ZMIZ1: variants seen among roughly 807,000 people sequenced by gnomAD.
The protein encoded by ZMIZ1 is zinc finger MIZ-type containing 1, also known as zinc finger MIZ domain-containing protein 1.
A neutral mutation model predicts 113.9 loss-of-function variants in ZMIZ1; 17 were observed. That is an observed-to-expected ratio of 0.15 (90% CI 0.10 to 0.22). The LOEUF (loss-of-function observed/expected upper bound fraction) is 0.22. Ranked by LOEUF, ZMIZ1 falls within the 10% of genes least tolerant of loss-of-function variation. The probability of loss-of-function intolerance (pLI) is 1.00; values close to 1 mark genes in which losing one functional copy is unlikely to be tolerated. For missense variants in ZMIZ1, 1,059 were observed against 1,477.8 expected (o/e 0.72, Z 4.65); for synonymous variants, 607 against 603.1 (o/e 1.01, Z -0.09).
intron 2 of ZMIZ1, among the ~76,000 whole-genome samples, chr10:79,130,225 A>G (rs115529539): frequency 0.011 from 1,676 of 152,250 alleles, 32 homozygotes; most frequent in African/African-American, 0.038. Context: ...ATCACCTTGC[A>G]TAAAGTCAGA....
chr10:79,302,072 T>C, intron 17 of ZMIZ1, 35 bp from the exon 18 acceptor site: 8 of 1,605,146 alleles, frequency 5.0e-6, no homozygotes, highest in Non-Finnish European at 6.8e-6. Flanking sequence ...GTGGGGACAG[T>C]GCACAGGAAC....
intron 7 of ZMIZ1, among the ~76,000 whole-genome samples, chr10:79,262,938 A>G (rs1292066644): frequency 6.6e-6 from 1 of 152,238 alleles, no homozygotes; most frequent in Non-Finnish European, 1.5e-5. Flanking sequence ...TTTCTCGGAA[A>G]AGGAATGGAA....
rs547359162 is a variant in ZMIZ1, at chr10:79,306,588, G to C, written c.2668+244G>C. Among the ~76,000 whole-genome samples, 6 of 146,708 alleles carry C rather than the reference G, an allele frequency of 4.1e-5. No individual in the cohort carries two copies. In the South Asian group the frequency reaches 7.3e-4, roughly 18 times the overall value. On this transcript the variant is annotated intron_variant, in intron 22 of 24. Transcript: ENST00000334512. Reference sequence around the variant, plus strand: ...TGCCTCTTCCCTCCCACACCCACCCGAGTTCTTGGCCTTACCCCTTGCCCT... The same window carrying C: ...TGCCTCTTCCCTCCCACACCCACCCCAGTTCTTGGCCTTACCCCTTGCCCT...
intron 7 of ZMIZ1, among the ~76,000 whole-genome samples, chr10:79,272,547 C>T (rs1356499698): frequency 6.6e-6 from 1 of 152,256 alleles, no homozygotes; most frequent in Non-Finnish European, 1.5e-5. Context: ...GTGGTTTGGA[C>T]TCAGCAGTGG....
intron 4 of ZMIZ1, among the ~76,000 whole-genome samples, chr10:79,181,433 A>G (rs1242952699): frequency 6.6e-6 from 1 of 152,210 alleles, no homozygotes; most frequent in Non-Finnish European, 1.5e-5. Flanking sequence ...AGGGGGAGAC[A>G]GCAGAGGCAG....
rs138406274 is a variant in ZMIZ1 at position 79,125,920 on chromosome 10, C to A, written c.-227+6896C>A. ...AAACTGTGTAGGCTACATGGGGGTG[C>A]AGAGGCTGGCAGGGGCAGGGACCAG... On this transcript the variant is annotated intron_variant, in intron 2 of 24. Transcript: ENST00000334512. 4.3e-3 allele frequency among the ~76,000 whole-genome samples: 648 copies of A among 152,270 alleles called. 2 individuals are homozygous for A. Among genetic ancestry groups the A allele is most frequent in the African/African-American group, 0.015 (617 of 41,552 alleles).
chr10:79,291,404 A>G (rs1302440784), intron 10 of ZMIZ1, among the ~76,000 whole-genome samples: 1 of 152,270 alleles, frequency 6.6e-6, no homozygotes. Flanking sequence ...ACTCGTAGAA[A>G]TAGAGAGGTG....
At chr10:79,124,003 C>T (rs1844412753) in intron 2 of ZMIZ1, among the ~76,000 whole-genome samples, 1 of 152,250 alleles carries the variant, frequency 6.6e-6, no homozygotes, top group African/African-American at 2.4e-5. Context: ...TCCACCCCAG[C>T]CTCTGCAGCC....
chr10:79,200,387 C>T (rs1469354203), intron 4 of ZMIZ1, among the ~76,000 whole-genome samples: 3 of 152,214 alleles, frequency 2.0e-5, no homozygotes, highest in African/African-American at 7.2e-5. Flanking sequence ...TGTGGCCTCC[C>T]TGGAGCGGCC....
intron 7 of ZMIZ1, among the ~76,000 whole-genome samples, chr10:79,259,955 T>A (rs1851164661): frequency 6.6e-6 from 1 of 152,142 alleles, no homozygotes; most frequent in Non-Finnish European, 1.5e-5. Context: ...TTGCTCCCCC[T>A]CTCTCCACTC....
chr10:79,307,030 A>C (rs917584913), intron 22 of ZMIZ1, among the ~76,000 whole-genome samples: 1 of 152,190 alleles, frequency 6.6e-6, no homozygotes, highest in African/African-American at 2.4e-5. Context: ...GGCTTGGCAG[A>C]ACATGCACCC....
At chr10:79,301,096 C>T (rs1444991700) in intron 17 of ZMIZ1, among the ~76,000 whole-genome samples, 154 bp downstream of exon 17, 2 of 152,138 alleles carry the variant, frequency 1.3e-5, no homozygotes, top group Non-Finnish European at 2.9e-5. Context: ...GTCCCCTTAC[C>T]TGTGCCCAGG....
At chr10:79,148,837 CCA>C (rs138861682) in intron 3 of ZMIZ1, among the ~76,000 whole-genome samples, 1,668 of 152,368 alleles carry the variant, frequency 0.011, 28 homozygotes, top group African/African-American at 0.038. Context: ...TGTCTTAGGG[CCA>C]CAGACTTTAG....
At chr10:79,208,235 C>T in intron 5 of ZMIZ1, 101 bp from the exon 6 acceptor site, 2 of 940,582 alleles carry the variant, frequency 2.1e-6, no homozygotes, top group Non-Finnish European at 3.4e-6. Flanking sequence ...TGTGAACCTC[C>T]TCCCCAGTGA....
intron 7 of ZMIZ1, among the ~76,000 whole-genome samples, chr10:79,228,599 TGAGCTGC>T (rs1215703451): frequency 6.6e-6 from 1 of 152,248 alleles, no homozygotes; most frequent in African/African-American, 2.4e-5. Flanking sequence ...CTTGCCCCTG[TGAGCTGC>T]CCAGGTCAGC....
chr10:79,268,734 A>G (rs971676160), intron 7 of ZMIZ1, among the ~76,000 whole-genome samples: 2 of 152,170 alleles, frequency 1.3e-5, no homozygotes, highest in South Asian at 2.1e-4. Context: ...ACTGCCATCT[A>G]CCAGGCCCTG....
At chr10:79,279,384 G>A (rs905826974) in intron 8 of ZMIZ1, among the ~76,000 whole-genome samples, 5 of 151,474 alleles carry the variant, frequency 3.3e-5, no homozygotes, top group African/African-American at 4.9e-5. Context: ...GGGCAGAGGC[G>A]CTCCCCACAT....
At chr10:79,102,742 A>T (rs972064590) in intron 1 of ZMIZ1, among the ~76,000 whole-genome samples, 2 of 152,148 alleles carry the variant, frequency 1.3e-5, no homozygotes, top group African/African-American at 4.8e-5. Context: ...AGGCCCACAT[A>T]GCACCTCTCC....
At position 79,183,358 on chromosome 10, in the gene ZMIZ1, G is replaced by GCACA. The variant is rs57212618; in HGVS notation, c.-49-18204_-49-18201dup. 3.5e-3 allele frequency among the ~76,000 whole-genome samples: 529 copies of GCACA among 150,800 alleles called. 1 individual carries two copies. The highest frequency in any genetic ancestry group is 0.012 in the East Asian group (60 of 5,060). ...GCACAGGCCTGAGGCTCGTGCACGC[G>GCACA]CACACACACACACACACACACACAC... On this transcript the variant is annotated intron_variant, in intron 4 of 24. Coordinates refer to ENST00000334512, the MANE Select transcript of ZMIZ1 (RefSeq NM_020338.4).
Sources: allele counts gnomAD v4.1 joint callset (sites outside exome capture counted in the v4.1 genomes callset), GRCh38; gene constraint gnomAD v4.1.1; transcripts MANE v1.5; gene names NCBI Gene and HGNC (gene_info 2026-07-23, HGNC 2026-07-21).